The following NAV2 variants were observed in gnomAD, a reference collection of about 807,000 sequenced individuals.
The protein encoded by NAV2 is helicase, APC down-regulated 1.
NAV2 carries 54 observed loss-of-function variants against 223.2 expected under a neutral mutation model. The ratio of observed to expected loss-of-function variants is 0.24; its 90% CI spans 0.19 to 0.30. The LOEUF (loss-of-function observed/expected upper bound fraction) is 0.30. Ranked by LOEUF, NAV2 falls within the 10% of genes least tolerant of loss-of-function variation. The pLI is 1.00. For synonymous variants in NAV2, 1,279 were observed against 1,239.3 expected, an observed-to-expected ratio of 1.03 and a Z score of -0.67; for missense variants, 2,806 against 3,147.5, an observed-to-expected ratio of 0.89 and a Z score of 2.60.
chr11:19,826,094 CA>C (rs2059630307), intron 1 of NAV2, among the ~76,000 whole-genome samples: 1 of 152,124 alleles, frequency 6.6e-6, no homozygotes, highest in Middle Eastern at 3.2e-3. Flanking sequence ...GTACTAGTGT[CA>C]AAGGATCCTA....
intron 1 of NAV2, among the ~76,000 whole-genome samples, chr11:19,397,735 G>T (rs1194839624): frequency 6.6e-6 from 1 of 152,148 alleles, no homozygotes; most frequent in East Asian, 1.9e-4. Flanking sequence ...CTGGAGACAA[G>T]CTTCAGCTTA....
At chr11:19,372,747 T>C (rs566471936) in intron 1 of NAV2, among the ~76,000 whole-genome samples, 194 of 152,334 alleles carry the variant, frequency 1.3e-3, no homozygotes, top group Non-Finnish European at 2.5e-3. Context: ...TAAGTAAAGC[T>C]GAGAAACAGC....
At chr11:19,625,466 A>G (rs751228661) in intron 1 of NAV2, among the ~76,000 whole-genome samples, 1 of 152,210 alleles carries the variant, frequency 6.6e-6, no homozygotes, top group Non-Finnish European at 1.5e-5. Context: ...CTGTTGAACT[A>G]GGTTGATTCC....
chr11:19,909,882 T>C (rs754984257), intron 6 of NAV2, among the ~76,000 whole-genome samples: 2 of 152,108 alleles, frequency 1.3e-5, no homozygotes, highest in Non-Finnish European at 2.9e-5. Flanking sequence ...AATAACTTTA[T>C]AAAGTTATTT....
rs752069668 is a variant in NAV2, at chr11:19,880,011, C to G, written c.654C>G (p.Ser218=). The change falls in exon 5 of 38, where the codon TCC becomes TCG. Residue 218 remains serine (S), a synonymous_variant. Coordinates refer to ENST00000349880, the MANE Select transcript of NAV2 (RefSeq NM_145117.5). The stretch of plus-strand genomic sequence containing the variant: ...TATCCCAGGTGGCCGGGGCCCCCTC[C>G]CAGTGCCAGGCTGGCACCCCTCAGC... ...PAVSQVAGAP[S]QCQAGTPQQQ... 9 of 1,613,736 alleles carry G rather than the reference C, an allele frequency of 5.6e-6. No individual in the cohort carries two copies. Among genetic ancestry groups the G allele is most frequent in the Admixed American group, 1.7e-5 (1 of 59,986 alleles).
intron 29 of NAV2, among the ~76,000 whole-genome samples, chr11:20,094,088 G>A (rs2061053397): frequency 6.6e-6 from 1 of 152,016 alleles, no homozygotes; most frequent in Non-Finnish European, 1.5e-5. Context: ...CACTATAGGG[G>A]GTAAGCTCAG....
intron 10 of NAV2, among the ~76,000 whole-genome samples, chr11:19,969,376 C>T (rs2049031882): frequency 1.3e-5 from 2 of 152,112 alleles, no homozygotes; most frequent in Admixed American, 6.5e-5. Context: ...TTTTTGGACC[C>T]TTTCTGTATC....
At chr11:19,640,747 C>T (rs1456517412) in intron 1 of NAV2, among the ~76,000 whole-genome samples, 1 of 152,174 alleles carries the variant, frequency 6.6e-6, no homozygotes. Flanking sequence ...AAATGTTTGT[C>T]TCAGGAGAGA....
At chr11:19,385,417 C>T (rs1848996303) in intron 1 of NAV2, among the ~76,000 whole-genome samples, 1 of 152,166 alleles carries the variant, frequency 6.6e-6, no homozygotes, top group Non-Finnish European at 1.5e-5. Flanking sequence ...CAAAAGGAAG[C>T]CTTGTTAAGT....
intron 26 of NAV2, among the ~76,000 whole-genome samples, chr11:20,086,601 A>G (rs181216646): frequency 3.9e-5 from 6 of 152,254 alleles, no homozygotes; most frequent in East Asian, 3.9e-4. Context: ...GATCTACAGT[A>G]GAAGCTCCAT....
At chr11:19,624,833 T>C (rs1045461662) in intron 1 of NAV2, among the ~76,000 whole-genome samples, 5 of 152,204 alleles carry the variant, frequency 3.3e-5, no homozygotes, top group Admixed American at 1.3e-4. Context: ...AAATCACCAG[T>C]CTTCTGCATC....
chr11:19,438,402 C>A (rs1390534050), intron 1 of NAV2, among the ~76,000 whole-genome samples: 1 of 152,190 alleles, frequency 6.6e-6, no homozygotes, highest in East Asian at 1.9e-4. Flanking sequence ...TGTCTTTAGC[C>A]CTTGTCACCT....
chr11:20,093,977 C>T lies in NAV2; in HGVS notation c.5916+778C>T, dbSNP rs74502289. Among the ~76,000 whole-genome samples, 719 of 152,276 alleles carry T rather than the reference C, an allele frequency of 4.7e-3. 17 individuals are homozygous for T. The highest frequency in any genetic ancestry group is 0.025 in the East Asian group (130 of 5,172). ...GTTATTTCTTAGTATTTCTAGCCAA[C>T]ATGCTATTGTAGTTTCAGACAGCTA... On this transcript the variant is annotated intron_variant, in intron 29 of 37. Coordinates refer to ENST00000349880, the MANE Select transcript of NAV2 (RefSeq NM_145117.5).
chr11:20,094,570 A>T (rs1474545128), intron 29 of NAV2, among the ~76,000 whole-genome samples: 1 of 152,066 alleles, frequency 6.6e-6, no homozygotes, highest in Non-Finnish European at 1.5e-5. Context: ...CACCTTGTGG[A>T]TTATTTATTC....
intron 26 of NAV2, among the ~76,000 whole-genome samples, chr11:20,089,005 G>A (rs12797521): frequency 0.49 from 73,295 of 148,964 alleles, 18,192 homozygotes; most frequent in South Asian, 0.71. Flanking sequence ...CTCCCAAACC[G>A]AAGAAAAAAA....
chr11:19,758,224 A>G (rs2054398710), intron 1 of NAV2, among the ~76,000 whole-genome samples: 1 of 152,234 alleles, frequency 6.6e-6, no homozygotes, highest in Non-Finnish European at 1.5e-5. Flanking sequence ...GCCCTCATAG[A>G]AAGTATATTT....
chr11:20,024,549 A>G (rs1321113435), intron 11 of NAV2, among the ~76,000 whole-genome samples: 1 of 152,214 alleles, frequency 6.6e-6, no homozygotes, highest in Non-Finnish European at 1.5e-5. Flanking sequence ...AGCTGTTCAC[A>G]TGTGTGCTGG....
rs147002190 is a variant in NAV2, at chr11:19,746,103, A to G, written c.267+32141A>G. On this transcript the variant is annotated intron_variant, in intron 1 of 37. Coordinates refer to ENST00000349880, the MANE Select transcript of NAV2 (RefSeq NM_145117.5). ...GAGAAGTGATTTGTCCAAAACACAA[A>G]GCTAGTAAGAAATAGAATCATAGGG... is the stretch of plus-strand genomic sequence containing the variant. Among the ~76,000 whole-genome samples, 358 of 152,368 alleles carry G rather than the reference A, an allele frequency of 2.3e-3. 1 individual carries two copies. Among genetic ancestry groups the G allele is most frequent in the African/African-American group, 7.9e-3 (328 of 41,588 alleles).
At chr11:19,406,843 TCTC>T (rs1483113703) in intron 1 of NAV2, among the ~76,000 whole-genome samples, 1 of 152,134 alleles carries the variant, frequency 6.6e-6, no homozygotes, top group East Asian at 1.9e-4. Context: ...TATCACCTCT[TCTC>T]CTGACTGCTC....
Sources: allele counts gnomAD v4.1 joint callset (sites outside exome capture counted in the v4.1 genomes callset), GRCh38; gene constraint gnomAD v4.1.1; transcripts MANE v1.5; gene names NCBI Gene and HGNC (gene_info 2026-07-23, HGNC 2026-07-21).